The following MACROD2 variants were observed in gnomAD, a reference collection of about 807,000 sequenced individuals.
The protein encoded by MACROD2 is mono-ADP ribosylhydrolase 2, also known as ADP-ribose glycohydrolase MACROD2.
A neutral mutation model predicts 70.4 loss-of-function variants in MACROD2; 36 were observed. The ratio of observed to expected loss-of-function variants is 0.51; its 90% CI spans 0.39 to 0.68. The LOEUF is 0.68. MACROD2 is among the 30% of genes least tolerant of loss of function. The pLI is 0.00. For missense variants in MACROD2, 496 were observed against 538.4 expected, an observed-to-expected ratio of 0.92 and a Z score of 0.78; for synonymous variants, 172 against 178.8, an observed-to-expected ratio of 0.96 and a Z score of 0.30.
intron 2 of MACROD2, among the ~76,000 whole-genome samples, chr20:14,080,340 G>T (rs1334000134): frequency 6.7e-6 from 1 of 150,030 alleles, no homozygotes; most frequent in Non-Finnish European, 1.5e-5. Context: ...CTACTCAGGA[G>T]GCTGAAGGAG....
At chr20:14,667,314 C>T (rs1432497061) in intron 4 of MACROD2, among the ~76,000 whole-genome samples, 2 of 152,030 alleles carry the variant, frequency 1.3e-5, no homozygotes, top group Non-Finnish European at 2.9e-5. Flanking sequence ...TCCCTAGATC[C>T]AGTGTGTGGT....
chr20:15,310,724 A>G lies in MACROD2; in HGVS notation c.540+80663A>G, dbSNP rs116317541. ...TTCCAAGATCTTGCAGAAACAGAGAAGTCCTCAGATAAGGGAAAGGTGAAA... is the reference window on the plus strand; with the variant it reads ...TTCCAAGATCTTGCAGAAACAGAGAGGTCCTCAGATAAGGGAAAGGTGAAA... On this transcript the variant is annotated intron_variant, in intron 6 of 17. Coordinates refer to ENST00000684519, the MANE Select transcript of MACROD2 (RefSeq NM_001351661.2). 3.9e-3 allele frequency among the ~76,000 whole-genome samples: 590 copies of G among 152,222 alleles called. 2 individuals carry two copies. The highest frequency in any genetic ancestry group is 0.013 in the African/African-American group (540 of 41,532).
At chr20:14,254,850 C>T (rs1011959602) in intron 3 of MACROD2, among the ~76,000 whole-genome samples, 4 of 152,060 alleles carry the variant, frequency 2.6e-5, no homozygotes, top group African/African-American at 7.2e-5. Context: ...ATGGTCTTTA[C>T]AATTTGGCAT....
chr20:15,866,011 A>G (rs976762170), intron 9 of MACROD2, among the ~76,000 whole-genome samples: 53 of 152,174 alleles, frequency 3.5e-4, no homozygotes, highest in Admixed American at 3.5e-3. Flanking sequence ...CAGCTGGATG[A>G]GGAACAAGTG....
At chr20:14,407,744 T>C (rs999420047) in intron 3 of MACROD2, among the ~76,000 whole-genome samples, 4 of 152,220 alleles carry the variant, frequency 2.6e-5, no homozygotes, top group African/African-American at 9.6e-5. Context: ...TGCTTGCCTT[T>C]ATTTAGGCAA....
chr20:15,050,068 C>T (rs2075427141), intron 5 of MACROD2, among the ~76,000 whole-genome samples: 1 of 152,074 alleles, frequency 6.6e-6, no homozygotes, highest in African/African-American at 2.4e-5. Context: ...CCTACACAAC[C>T]AGCTTCAGTT....
chr20:15,440,941 A>G (rs2046487450), intron 7 of MACROD2, among the ~76,000 whole-genome samples: 1 of 152,108 alleles, frequency 6.6e-6, no homozygotes, highest in Non-Finnish European at 1.5e-5. Flanking sequence ...AATTATTCCC[A>G]CTGTAAGAAA....
intron 10 of MACROD2, among the ~76,000 whole-genome samples, chr20:15,915,785 G>A (rs2147277316): frequency 6.6e-6 from 1 of 152,210 alleles, no homozygotes; most frequent in Non-Finnish European, 1.5e-5. Flanking sequence ...TAGGGTAGAA[G>A]CAAAGGAAAA....
intron 8 of MACROD2, among the ~76,000 whole-genome samples, chr20:15,632,513 G>C (rs1396865942): frequency 6.6e-6 from 1 of 152,148 alleles, no homozygotes; most frequent in Non-Finnish European, 1.5e-5. Context: ...TCCCAAAGTA[G>C]TGCAAAGTAC....
intron 8 of MACROD2, among the ~76,000 whole-genome samples, chr20:15,623,420 T>C (rs926235650): frequency 1.3e-5 from 2 of 152,212 alleles, no homozygotes; most frequent in African/African-American, 4.8e-5. Context: ...GGAATGCCTT[T>C]GTTGGGGCTC....
intron 5 of MACROD2, among the ~76,000 whole-genome samples, chr20:15,206,799 C>T (rs2076711152): frequency 7.4e-6 from 1 of 134,634 alleles, no homozygotes; most frequent in African/African-American, 2.8e-5. Context: ...TGCAGTGGCG[C>T]AATCTCGGCT....
chr20:15,450,824 TCAGGTGCTTCTGATGTG>T (rs1357235701), intron 7 of MACROD2, among the ~76,000 whole-genome samples: 2 of 152,152 alleles, frequency 1.3e-5, no homozygotes. Context: ...CAGTTGTACC[TCAGGTGCTTCTGATGTG>T]CAATGACATC....
intron 4 of MACROD2, among the ~76,000 whole-genome samples, chr20:14,609,640 C>T (rs1001474431): frequency 3.3e-5 from 5 of 152,036 alleles, no homozygotes; most frequent in Non-Finnish European, 5.9e-5. Context: ...CATTCTTCTC[C>T]CTGCAAAAAT....
chr20:14,253,436 G>A (rs7263144), intron 3 of MACROD2, among the ~76,000 whole-genome samples: 2 of 151,684 alleles, frequency 1.3e-5, no homozygotes, highest in African/African-American at 2.4e-5. Flanking sequence ...TTTTATCTTC[G>A]CTAAGATATG....
At chr20:14,820,837 C>T (rs997976788) in intron 5 of MACROD2, among the ~76,000 whole-genome samples, 4 of 151,898 alleles carry the variant, frequency 2.6e-5, no homozygotes, top group South Asian at 2.1e-4. Context: ...GTTAAGCTGC[C>T]GTGACTCTCT....
intron 8 of MACROD2, among the ~76,000 whole-genome samples, chr20:15,505,346 G>A (rs1377632169): frequency 6.6e-6 from 1 of 152,122 alleles, no homozygotes; most frequent in Non-Finnish European, 1.5e-5. Context: ...GGATTTCCCA[G>A]GAACTTTTAA....
chr20:14,684,045 A>C (rs568476320), intron 4 of MACROD2, among the ~76,000 whole-genome samples: 14 of 152,242 alleles, frequency 9.2e-5, no homozygotes, highest in Non-Finnish European at 1.5e-5. Context: ...TGATGCCTGG[A>C]TGTCAAAGGC....
At chr20:15,638,320 C>T (rs1425342001) in intron 8 of MACROD2, among the ~76,000 whole-genome samples, 1 of 152,284 alleles carries the variant, frequency 6.6e-6, no homozygotes, top group African/African-American at 2.4e-5. Context: ...GAAATGGAAA[C>T]CAGTGTTGGG....
Position 14,678,257 on chromosome 20 carries a change from A to G in MACROD2, c.302-6586A>G, listed in dbSNP as rs75112221. On this transcript the variant is annotated intron_variant, in intron 4 of 17. Transcript: ENST00000684519. ...ATGGACTGGATGTAGAAATAGTTAT[A>G]TCACTTTTACTCATACTCTTTAAAC... Among the ~76,000 whole-genome samples, 823 of 152,240 alleles carry G rather than the reference A, an allele frequency of 5.4e-3. 16 individuals carry two copies. The highest frequency in any genetic ancestry group is 0.019 in the African/African-American group (781 of 41,550).
Sources: gnomAD v4.1 joint callset for allele counts (sites outside exome capture counted in the v4.1 genomes callset) on GRCh38, gnomAD v4.1.1 for gene constraint, MANE v1.5 for transcripts, NCBI Gene and HGNC (gene_info 2026-07-23, HGNC 2026-07-21) for gene names.